The following PAPSS1 variants were observed in gnomAD, a reference collection of about 807,000 sequenced individuals.
The protein encoded by PAPSS1 is bifunctional 3'-phosphoadenosine 5'-phosphosulfate synthase 1.
In PAPSS1, 50 loss-of-function variants were observed where a neutral mutation model predicts 72.0. The observed-to-expected ratio is 0.69, with a 90% CI of 0.55 to 0.88. The LOEUF (loss-of-function observed/expected upper bound fraction) is 0.88. PAPSS1 is among the 40% of genes least tolerant of loss of function. PAPSS1 has a pLI of 0.00. For synonymous variants in PAPSS1, 261 were observed against 263.6 expected, an observed-to-expected ratio of 0.99 and a Z score of 0.09; for missense variants, 657 against 782.2, an observed-to-expected ratio of 0.84 and a Z score of 1.91.
intron 4 of PAPSS1, among the ~76,000 whole-genome samples, chr4:107,682,456 T>C (rs1046863303): frequency 2.6e-5 from 4 of 152,218 alleles, no homozygotes; most frequent in African/African-American, 9.6e-5. Context: ...TTATTTTCGC[T>C]GGGAACTGTG....
At chr4:107,651,260 C>T (rs183389503) in intron 9 of PAPSS1, among the ~76,000 whole-genome samples, 23 of 152,280 alleles carry the variant, frequency 1.5e-4, no homozygotes, top group African/African-American at 5.3e-4. Context: ...AACTATGGAG[C>T]ACTGAAGAGT....
At chr4:107,641,314 C>T (rs1051174978) in intron 10 of PAPSS1, among the ~76,000 whole-genome samples, 8 of 152,208 alleles carry the variant, frequency 5.3e-5, no homozygotes, top group Admixed American at 1.3e-4. Flanking sequence ...CCCAGAATCC[C>T]CTACTTCCAA....
At chr4:107,718,412 T>C (rs1723691092) in intron 1 of PAPSS1, 1 of 152,094 alleles carries the variant, frequency 6.6e-6, no homozygotes, top group African/African-American at 2.4e-5. Flanking sequence ...GTAAAAAAAA[T>C]AGTAATTTTT....
chr4:107,679,129 G>C (rs1727735473), intron 5 of PAPSS1, among the ~76,000 whole-genome samples: 1 of 152,136 alleles, frequency 6.6e-6, no homozygotes, highest in Admixed American at 6.5e-5. Context: ...CCCACCTCAA[G>C]ACTCAGGAGC....
chr4:107,689,371 C>T (rs889473550), intron 3 of PAPSS1, among the ~76,000 whole-genome samples: 2 of 152,182 alleles, frequency 1.3e-5, no homozygotes, highest in African/African-American at 4.8e-5. Flanking sequence ...ACCAGCAACA[C>T]TCAACCCCTC....
At chr4:107,692,582 C>A (rs920458393) in intron 3 of PAPSS1, among the ~76,000 whole-genome samples, 1 of 152,064 alleles carries the variant, frequency 6.6e-6, no homozygotes, top group Non-Finnish European at 1.5e-5. Context: ...TGCAGTGAAT[C>A]CTCAAAGATC....
intron 11 of PAPSS1, among the ~76,000 whole-genome samples, chr4:107,616,304 T>A (rs1406024085): frequency 6.6e-6 from 1 of 152,202 alleles, no homozygotes; most frequent in African/African-American, 2.4e-5. Context: ...AGAATGTCAA[T>A]TATTATAATT....
At chr4:107,617,460 T>C (rs1037985148) in intron 11 of PAPSS1, among the ~76,000 whole-genome samples, 2 of 152,192 alleles carry the variant, frequency 1.3e-5, no homozygotes, top group African/African-American at 4.8e-5. Flanking sequence ...TATACATATA[T>C]GATATGAATA....
At chr4:107,702,786 T>C (rs1341484135) in intron 1 of PAPSS1, among the ~76,000 whole-genome samples, 2 of 152,224 alleles carry the variant, frequency 1.3e-5, no homozygotes, top group East Asian at 1.9e-4. Flanking sequence ...ATCTTGACTA[T>C]GGTAAATAGT....
intron 3 of PAPSS1, among the ~76,000 whole-genome samples, chr4:107,691,237 C>T (rs1377072878): frequency 2.0e-5 from 3 of 151,496 alleles, no homozygotes; most frequent in Non-Finnish European, 4.4e-5. Flanking sequence ...TAGAATTGTG[C>T]TAATATAATT....
Position 107,672,511 on chromosome 4 carries a change from G to C in PAPSS1, c.669+9504C>G, listed in dbSNP as rs1219745270. Among the ~76,000 whole-genome samples the C allele has an allele frequency of 2.0e-5, 3 of 152,214 alleles. No individual in the cohort carries two copies. In the East Asian group the frequency reaches 5.8e-4, roughly 29 times the overall value. On this transcript the variant is annotated intron_variant, in intron 5 of 11. Transcript: ENST00000265174. ...AGATCAAACTGCAAGGTGGCAGTGA[G>C]GCTGGGGGAGGGGTGCCCACCACTG...
chr4:107,671,762 C>A (rs988359757), intron 5 of PAPSS1, among the ~76,000 whole-genome samples: 1 of 152,178 alleles, frequency 6.6e-6, no homozygotes, highest in Non-Finnish European at 1.5e-5. Context: ...CACTTCATAT[C>A]ATCTCTGGAT....
chr4:107,682,900 G>T (rs1722672177), intron 4 of PAPSS1, among the ~76,000 whole-genome samples: 1 of 152,092 alleles, frequency 6.6e-6, no homozygotes, highest in African/African-American at 2.4e-5. Context: ...CATAAACAAG[G>T]ATAGTAAATA....
At chr4:107,641,889 G>A (rs1442776479) in intron 10 of PAPSS1, among the ~76,000 whole-genome samples, 1 of 152,018 alleles carries the variant, frequency 6.6e-6, no homozygotes, top group Non-Finnish European at 1.5e-5. Context: ...GAAATGCAGA[G>A]AATTTGCAGC....
intron 4 of PAPSS1, among the ~76,000 whole-genome samples, chr4:107,682,379 T>C (rs895327300): frequency 6.6e-6 from 1 of 151,986 alleles, no homozygotes; most frequent in African/African-American, 2.4e-5. Context: ...TGACACCAAA[T>C]AGGCTGCAAT....
chr4:107,658,001 T>G (rs950955891), intron 6 of PAPSS1, among the ~76,000 whole-genome samples: 1 of 151,936 alleles, frequency 6.6e-6, no homozygotes, highest in Non-Finnish European at 1.5e-5. Flanking sequence ...AATCCAATCA[T>G]AGGGCTAGAA....
At chr4:107,655,629 T>C (rs1726983626) in intron 7 of PAPSS1, among the ~76,000 whole-genome samples, 1 of 152,224 alleles carries the variant, frequency 6.6e-6, no homozygotes, top group Non-Finnish European at 1.5e-5. Flanking sequence ...ATTTGGACTA[T>C]TTATATACTA....
At chr4:107,660,507 G>A (rs560767265) in intron 5 of PAPSS1, among the ~76,000 whole-genome samples, 1 of 152,132 alleles carries the variant, frequency 6.6e-6, no homozygotes, top group East Asian at 1.9e-4. Flanking sequence ...TTTTACCCAA[G>A]CAACACGGTA....
At chr4:107,694,567 A>G (rs748594091) in intron 2 of PAPSS1, among the ~76,000 whole-genome samples, 3 of 152,196 alleles carry the variant, frequency 2.0e-5, no homozygotes, top group Non-Finnish European at 4.4e-5. Context: ...CTAAAGCTGC[A>G]TGCCAAATTT....
Sources: gnomAD v4.1 joint callset for allele counts (sites outside exome capture counted in the v4.1 genomes callset) on GRCh38, gnomAD v4.1.1 for gene constraint, MANE v1.5 for transcripts, NCBI Gene and HGNC (gene_info 2026-07-23, HGNC 2026-07-21) for gene names.